Variants in PALM2AKAP2 observed in about 807,000 individuals in gnomAD.
PALM2AKAP2 encodes the protein PALM2-AKAP2 fusion protein.
A neutral mutation model predicts 71.5 loss-of-function variants in PALM2AKAP2; 37 were observed. The observed-to-expected ratio is 0.52, with a 90% confidence interval of 0.40 to 0.68. The LOEUF (loss-of-function observed/expected upper bound fraction) is 0.68, where lower values mean the gene tolerates loss of function less well. Ranked by LOEUF, PALM2AKAP2 falls within the 30% of genes least tolerant of loss-of-function variation. The pLI is 0.00. For synonymous variants in PALM2AKAP2, 468 were observed against 478.8 expected (o/e 0.98, Z 0.29); for missense variants, 1,224 against 1,191.8 (o/e 1.03, Z -0.40).
At chr9:109,799,549 A>G (rs1209864509) in intron 1 of PALM2AKAP2, among the ~76,000 whole-genome samples, 1 of 152,192 alleles carries the variant, frequency 6.6e-6, no homozygotes, top group Non-Finnish European at 1.5e-5. Flanking sequence ...GCTGGAGTGC[A>G]GTGGCACGAC....
chr9:110,132,032 C>CGTGTGTGTGTGTGTGT (rs3063946), intron 1 of PALM2AKAP2, among the ~76,000 whole-genome samples: 4 of 147,426 alleles, frequency 2.7e-5, no homozygotes, highest in Non-Finnish European at 4.5e-5. Context: ...AAGTAACTAG[C>CGTGTGTGTGTGTGTGT]GTGTGTGTGT....
exon 4 of PALM2AKAP2, chr9:110,171,053 T>C (rs1327797547): frequency 6.6e-6 from 1 of 152,216 alleles, no homozygotes; most frequent in Non-Finnish European, 1.5e-5. Flanking sequence ...TAGACTAACT[T>C]CCCCATTTTT....
chr9:110,085,289 A>G (rs1004471615), intron 1 of PALM2AKAP2, among the ~76,000 whole-genome samples: 1 of 152,252 alleles, frequency 6.6e-6, no homozygotes, highest in Admixed American at 6.5e-5. Context: ...GGAAAGGGAA[A>G]GGTACTGGAG....
chr9:109,877,231 G>A (rs1829741451), intron 2 of PALM2AKAP2, among the ~76,000 whole-genome samples: 2 of 152,088 alleles, frequency 1.3e-5, no homozygotes, highest in Admixed American at 6.5e-5. Context: ...CACCCTGAAA[G>A]TGTGGTCCCT....
rs567142614 is a variant in PALM2AKAP2, at chr9:109,764,963, T to G, written c.6-15525T>G. On this transcript the variant is annotated intron_variant, in intron 1 of 6. Coordinates refer to the PALM2AKAP2 transcript ENST00000374531. ...ATGTGGATACTCAGGATTCATATCT[T>G]TGTCATATAAATAATGAACAGCCAT... 3.3e-5 allele frequency among the ~76,000 whole-genome samples: 5 copies of G among 152,330 alleles called. No individual in the cohort carries two copies. In the South Asian group the frequency reaches 1.0e-3, roughly 32 times the overall value.
rs1337967477 is a variant in PALM2AKAP2, at chr9:109,656,251, C to T, written c.5+15385C>T. 2.0e-5 allele frequency among the ~76,000 whole-genome samples: 3 copies of T among 151,796 alleles called. No individual in the cohort carries two copies. In the East Asian group the frequency reaches 5.8e-4, roughly 29 times the overall value. ...GGGCGCCATGGTGGTGGAAGGGGCT[C>T]GAGGGTGGTGACTGGGGGAGATGCT... On this transcript the variant is annotated intron_variant, in intron 1 of 6. Transcript: ENST00000374531.
At chr9:109,872,280 A>T (rs1564189872) in intron 2 of PALM2AKAP2, among the ~76,000 whole-genome samples, 1 of 152,088 alleles carries the variant, frequency 6.6e-6, no homozygotes. Flanking sequence ...GATGATATGG[A>T]TTTTTTTAAA....
At chr9:109,756,421 A>C (rs2118723290) in intron 1 of PALM2AKAP2, among the ~76,000 whole-genome samples, 1 of 152,314 alleles carries the variant, frequency 6.6e-6, no homozygotes, top group Middle Eastern at 3.4e-3. Flanking sequence ...GATCTGTTAC[A>C]TACAGATGTT....
At chr9:109,802,905 T>G (rs913123725) in intron 1 of PALM2AKAP2, among the ~76,000 whole-genome samples, 1 of 152,182 alleles carries the variant, frequency 6.6e-6, no homozygotes, top group Non-Finnish European at 1.5e-5. Context: ...AGCAGGTATC[T>G]CAGTGCAGAC....
At chr9:109,681,910 G>A (rs1159031033) in intron 1 of PALM2AKAP2, among the ~76,000 whole-genome samples, 1 of 152,086 alleles carries the variant, frequency 6.6e-6, no homozygotes, top group Non-Finnish European at 1.5e-5. Flanking sequence ...GTTGCTCAAG[G>A]CATTCAGGTG....
chr9:109,976,665 A>G (rs1832177787), intron 6 of PALM2AKAP2, among the ~76,000 whole-genome samples: 1 of 152,194 alleles, frequency 6.6e-6, no homozygotes, highest in Non-Finnish European at 1.5e-5. Flanking sequence ...AAAATAATAC[A>G]AATAACCAAC....
intron 1 of PALM2AKAP2, among the ~76,000 whole-genome samples, chr9:109,680,331 C>T (rs939665341): frequency 2.6e-5 from 4 of 152,204 alleles, no homozygotes; most frequent in African/African-American, 9.6e-5. Flanking sequence ...GCAGAACAGT[C>T]ACACGAGGTG....
intron 1 of PALM2AKAP2, among the ~76,000 whole-genome samples, chr9:109,658,153 A>T (rs1313111696): frequency 6.6e-6 from 1 of 152,160 alleles, no homozygotes; most frequent in Non-Finnish European, 1.5e-5. Context: ...TTAGACATTC[A>T]GATGGAAATG....
intron 6 of PALM2AKAP2, among the ~76,000 whole-genome samples, chr9:109,984,502 G>A (rs540984173): frequency 6.6e-6 from 1 of 151,492 alleles, no homozygotes; most frequent in African/African-American, 2.4e-5. Context: ...GCAACAAAAT[G>A]AGGCCCTACA....
intron 5 of PALM2AKAP2, among the ~76,000 whole-genome samples, chr9:109,926,363 G>C (rs1830955960): frequency 6.6e-6 from 1 of 152,128 alleles, no homozygotes; most frequent in Non-Finnish European, 1.5e-5. Flanking sequence ...TTCATGCTCT[G>C]AGTACATGTA....
chr9:109,717,296 G>A (rs528790837), intron 1 of PALM2AKAP2, among the ~76,000 whole-genome samples: 1 of 152,290 alleles, frequency 6.6e-6, no homozygotes, highest in Non-Finnish European at 1.5e-5. Context: ...GCCTAGGGGT[G>A]GAGTTGAGGC....
At chr9:109,685,597 A>T (rs371841157) in intron 1 of PALM2AKAP2, among the ~76,000 whole-genome samples, 1 of 152,196 alleles carries the variant, frequency 6.6e-6, no homozygotes, top group Non-Finnish European at 1.5e-5. Flanking sequence ...ATATTTACAC[A>T]CATATATATA....
chr9:110,028,290 G>A (rs1253568388), intron 7 of PALM2AKAP2, among the ~76,000 whole-genome samples: 1 of 152,194 alleles, frequency 6.6e-6, no homozygotes, highest in Admixed American at 6.5e-5. Flanking sequence ...CACAACCATT[G>A]ACAGCTTTCA....
intron 1 of PALM2AKAP2, among the ~76,000 whole-genome samples, chr9:109,694,879 T>C (rs1317502806): frequency 1.3e-5 from 2 of 152,054 alleles, no homozygotes; most frequent in Non-Finnish European, 2.9e-5. Flanking sequence ...CAAATACTTA[T>C]AGGAACTTAT....
Sources: allele counts gnomAD v4.1 joint callset (sites outside exome capture counted in the v4.1 genomes callset), GRCh38; gene constraint gnomAD v4.1.1; transcripts MANE v1.5; gene names NCBI Gene and HGNC (gene_info 2026-07-23, HGNC 2026-07-21).